The following NTM variants were observed in gnomAD, a reference collection of about 807,000 sequenced individuals.
NTM encodes neurotrimin.
A neutral mutation model predicts 42.1 loss-of-function variants in NTM; 13 were observed. The observed-to-expected ratio is 0.31, with a 90% CI of 0.20 to 0.49. NTM has a LOEUF of 0.49. Ranked by LOEUF, NTM falls within the 20% of genes least tolerant of loss-of-function variation. The probability of loss-of-function intolerance (pLI) is 0.99; values close to 1 mark genes in which losing one functional copy is unlikely to be tolerated. For synonymous variants in NTM, 187 were observed against 179.2 expected (o/e 1.04, Z -0.35); for missense variants, 373 against 452.8 (o/e 0.82, Z 1.60).
chr11:132,073,854 C>A (rs977103639), intron 2 of NTM, among the ~76,000 whole-genome samples: 1 of 152,138 alleles, frequency 6.6e-6, no homozygotes, highest in African/African-American at 2.4e-5. Flanking sequence ...TGGCCACAAA[C>A]CTGTTTGGGG....
intron 2 of NTM, among the ~76,000 whole-genome samples, chr11:132,015,039 T>C (rs773688926): frequency 3.9e-5 from 6 of 152,062 alleles, no homozygotes; most frequent in Non-Finnish European, 8.8e-5. Context: ...TACATTTAAG[T>C]CTTTAATCCA....
At chr11:131,881,335 G>A (rs1317255413) in intron 1 of NTM, among the ~76,000 whole-genome samples, 3 of 152,104 alleles carry the variant, frequency 2.0e-5, no homozygotes, top group Non-Finnish European at 4.4e-5. Context: ...GTAGTGAAAG[G>A]TACATGGATT....
chr11:131,749,266 G>A (rs540693414), intron 1 of NTM, among the ~76,000 whole-genome samples: 12 of 152,288 alleles, frequency 7.9e-5, no homozygotes, highest in African/African-American at 2.9e-4. Context: ...TGTGAGCTTG[G>A]ACCGATGAAG....
intron 2 of NTM, among the ~76,000 whole-genome samples, chr11:131,936,693 A>G (rs534831120): frequency 7.2e-5 from 11 of 152,310 alleles, no homozygotes; most frequent in African/African-American, 2.4e-4. Flanking sequence ...ACAAACACAC[A>G]CAAACAAAGG....
chr11:132,125,010 A>G (rs757162747), intron 2 of NTM, among the ~76,000 whole-genome samples: 1 of 152,114 alleles, frequency 6.6e-6, no homozygotes, highest in Non-Finnish European at 1.5e-5. Context: ...ATGAATAAGT[A>G]AAGCAAGTTC....
intron 1 of NTM, among the ~76,000 whole-genome samples, chr11:131,702,103 T>C (rs2076135343): frequency 6.6e-6 from 1 of 152,144 alleles, no homozygotes; most frequent in South Asian, 2.1e-4. Flanking sequence ...TGGCTTTGTC[T>C]TCTTTCCTCT....
intron 1 of NTM, among the ~76,000 whole-genome samples, chr11:131,600,704 G>T (rs2060404337): frequency 6.6e-6 from 1 of 152,220 alleles, no homozygotes; most frequent in Non-Finnish European, 1.5e-5. Flanking sequence ...CCGCTGGCCA[G>T]GAGGTACTTA....
intron 1 of NTM, among the ~76,000 whole-genome samples, chr11:131,700,764 C>T (rs1414185556): frequency 6.6e-6 from 1 of 152,224 alleles, no homozygotes; most frequent in Non-Finnish European, 1.5e-5. Flanking sequence ...TTTATTGACA[C>T]CATCTTTTAA....
intron 2 of NTM, among the ~76,000 whole-genome samples, chr11:132,067,211 A>G (rs939908592): frequency 6.6e-6 from 1 of 152,180 alleles, no homozygotes; most frequent in African/African-American, 2.4e-5. Context: ...CTGTTCCCAA[A>G]GTGCTGGGAT....
intron 2 of NTM, among the ~76,000 whole-genome samples, chr11:132,134,133 G>A (rs1250112871): frequency 2.0e-5 from 3 of 151,844 alleles, no homozygotes; most frequent in Admixed American, 2.0e-4. Flanking sequence ...ATGTTGCCCT[G>A]GCTTGTCTTG....
chr11:132,195,088 A>G (rs1592147244), intron 3 of NTM, among the ~76,000 whole-genome samples: 1 of 151,790 alleles, frequency 6.6e-6, no homozygotes, highest in Admixed American at 6.6e-5. Context: ...CTCCTAAAGT[A>G]CTGGGATTAC....
intron 1 of NTM, among the ~76,000 whole-genome samples, chr11:131,654,484 C>T (rs113649589): frequency 2.1e-3 from 326 of 152,170 alleles, no homozygotes; most frequent in African/African-American, 7.5e-3. Context: ...TGCAGAGCTT[C>T]TCAGAGTCCG....
chr11:131,616,776 GGGGTGT>G (rs1310813590), intron 1 of NTM, among the ~76,000 whole-genome samples: 32 of 143,254 alleles, frequency 2.2e-4, no homozygotes, highest in East Asian at 1.3e-3. Context: ...CTGTCTTGAG[GGGGTGT>G]GTGTGTGTGT....
At position 131,599,431 on chromosome 11, in the gene NTM, C is replaced by T. The variant is rs528291470; in HGVS notation, c.82+228543C>T. 4.5e-4 allele frequency among the ~76,000 whole-genome samples: 68 copies of T among 151,578 alleles called. 9 individuals carry two copies. Among genetic ancestry groups the T allele is most frequent in the Non-Finnish European group, 7.1e-4 (48 of 67,940 alleles). The stretch of plus-strand genomic sequence containing the variant: ...ATAACCCTATATAACCTCAAGGGGA[C>T]GGAAGGGAGAATCTGTCGGAGTGCA... On this transcript the variant is annotated intron_variant, in intron 1 of 8. Coordinates refer to ENST00000683400, the MANE Select transcript of NTM (RefSeq NM_001352005.2).
chr11:131,842,949 T>A (rs1470599383), intron 1 of NTM, among the ~76,000 whole-genome samples: 2 of 152,070 alleles, frequency 1.3e-5, no homozygotes. Context: ...AAGCAGGGGT[T>A]ACAGTGAGCC....
chr11:131,696,724 A>T (rs545375247), intron 1 of NTM, among the ~76,000 whole-genome samples: 60 of 152,206 alleles, frequency 3.9e-4, no homozygotes, highest in African/African-American at 1.4e-3. Flanking sequence ...GTTAAAGCCA[A>T]ATAAATGTTG....
intron 2 of NTM, among the ~76,000 whole-genome samples, chr11:132,057,196 G>T (rs1566046406): frequency 6.6e-6 from 1 of 151,478 alleles, no homozygotes; most frequent in Non-Finnish European, 1.5e-5. Flanking sequence ...TAAAGGAAAA[G>T]AAAAAAGAAA....
rs2136530836 is a variant in NTM at position 132,335,692 on chromosome 11, A to G, written c.*546A>G. On this transcript the variant is annotated 3_prime_UTR_variant, in exon 9 of 9. Coordinates refer to ENST00000683400, the MANE Select transcript of NTM (RefSeq NM_001352005.2). Reference sequence around the variant, plus strand: ...AAAATAAGACCGTCTGACAGCAACAACGGTCCCACAAACAAGTCACAAAAG... The same window carrying G: ...AAAATAAGACCGTCTGACAGCAACAGCGGTCCCACAAACAAGTCACAAAAG... The G allele has an allele frequency of 6.6e-6, 1 of 152,556 alleles. No individual in the cohort carries two copies. The highest frequency in any genetic ancestry group is 1.5e-5 in the Non-Finnish European group (1 of 68,026). The allele number at this position is 152,556 out of a possible 1,614,324, so 9.5% of individuals were successfully genotyped here.
intron 1 of NTM, among the ~76,000 whole-genome samples, chr11:131,520,158 T>C (rs2049435198): frequency 2.0e-5 from 3 of 152,336 alleles, no homozygotes; most frequent in Admixed American, 2.0e-4. Flanking sequence ...CATTTCTAAG[T>C]GACCTAGAAT....
Sources: allele counts gnomAD v4.1 joint callset (sites outside exome capture counted in the v4.1 genomes callset), GRCh38; gene constraint gnomAD v4.1.1; transcripts MANE v1.5; gene names NCBI Gene and HGNC (gene_info 2026-07-23, HGNC 2026-07-21).